Variants in CYP3A5 observed in about 807,000 individuals in gnomAD.
CYP3A5 encodes cytochrome P450 3A5.
A neutral mutation model predicts 55.9 loss-of-function variants in CYP3A5; 51 were observed. The ratio of observed to expected loss-of-function variants is 0.91; its 90% CI spans 0.73 to 1.15. The LOEUF is 1.15. Among genes scored for constraint, CYP3A5 ranks in the 50% most tolerant of loss-of-function variants. CYP3A5 has a pLI of 0.00. For missense variants in CYP3A5, 533 were observed against 596.6 expected, an observed-to-expected ratio of 0.89 and a Z score of 1.11; for synonymous variants, 196 against 213.9, an observed-to-expected ratio of 0.92 and a Z score of 0.73.
intron 1 of CYP3A5, chr7:99,676,498 G>A (rs1233670473): frequency 8.6e-6 from 12 of 1,391,354 alleles, no homozygotes; most frequent in African/African-American, 1.4e-5. Flanking sequence ...AGAGGTTCAG[G>A]CAGGAATTCT....
rs541263120 is a variant in CYP3A5, at chr7:99,679,760, G to A, written c.71+66C>T. 9.8e-5 allele frequency: 146 copies of A among 1,495,274 alleles called. No homozygotes were observed. The African/African-American group carries it at 1.1e-3, about 11-fold the overall frequency. The allele number at this position is 1,495,274 out of a possible 1,614,324, so 92.6% of individuals were successfully genotyped here. A position where few individuals can be genotyped will look rare whatever the true frequency, so the allele number is the denominator to read the frequency against. On this transcript the variant is annotated intron_variant, in intron 1 of 12. Coordinates refer to ENST00000222982, the MANE Select transcript of CYP3A5 (RefSeq NM_000777.5). ...CTTTTGATCTTCAAAACAGATAAGG[G>A]AAAAGGGGCCCGATTAGCACCCCAA...
intron 11 of CYP3A5, among the ~76,000 whole-genome samples, chr7:99,651,980 A>G (rs990926159): frequency 1.5e-4 from 23 of 152,208 alleles, no homozygotes; most frequent in Non-Finnish European, 3.2e-4. Flanking sequence ...CTGCACTCTT[A>G]TAATTACTAC....
chr7:99,669,850 A>T (rs1397155701), intron 4 of CYP3A5, among the ~76,000 whole-genome samples: 1 of 152,216 alleles, frequency 6.6e-6, no homozygotes, highest in Non-Finnish European at 1.5e-5. Flanking sequence ...ATAGCTACAG[A>T]TGCTGCCCTG....
rs1650598392 is a variant in CYP3A5, at chr7:99,679,958, G to C, written c.-62C>G. 1 of 1,472,334 alleles carries C rather than the reference G, an allele frequency of 6.8e-7. No homozygotes were observed. The highest frequency in any genetic ancestry group is 9.5e-7 in the Non-Finnish European group (1 of 1,051,096). The allele number at this position is 1,472,334 out of a possible 1,614,324, so 91.2% of individuals were successfully genotyped here. A position where few individuals can be genotyped will look rare whatever the true frequency, so the allele number is the denominator to read the frequency against. On this transcript the variant is annotated 5_prime_UTR_variant, in exon 1 of 13. Transcript: ENST00000222982. ...TCCTTTTAGCTGAGTGCTGCTGTTT[G>C]CTGGGCTGTTTGCCTGGAGCTTCCC...
Position 99,652,773 on chromosome 7 carries a change from G to A in CYP3A5, c.1033C>T (p.Pro345Ser). ...IDAVLPNKAP[P>S]TYDAVVQMEY... ...ATCTGTACCACGGCATCATAGGTAG[G>A]TGGTGCCTGGAAGGAAAGAAACAGA... Residue 345 changes from proline (P) to serine (S), a missense_variant, in exon 11 of 13, where the codon CCT becomes TCT. By Grantham distance (74) the Pro-to-Ser change is moderately conservative. Transcript: ENST00000222982. The A allele has an allele frequency of 6.2e-7, 1 of 1,612,816 alleles. No individual in the cohort carries two copies. The highest frequency in any genetic ancestry group is 8.5e-7 in the Non-Finnish European group (1 of 1,179,216).
chr7:99,660,500 T>G lies in CYP3A5; in HGVS notation c.1025A>C (p.Lys342Thr), dbSNP rs1810320773. The G allele has an allele frequency of 1.2e-6, 2 of 1,610,092 alleles. No homozygotes were observed. The highest frequency in any genetic ancestry group is 1.3e-5 in the African/African-American group (1 of 74,804). Residue 342 changes from lysine (K) to threonine (T), a missense_variant and splice_region_variant, in exon 10 of 13, where the codon AAG (lysine) becomes ACG (threonine). Coordinates refer to ENST00000222982, the MANE Select transcript of CYP3A5 (RefSeq NM_000777.5). ...QKEIDAVLPN[K>T]APPTYDAVVQ... ...CATCTCCAGGGGTCATCCCCTCACC[T>G]TATTGGGCAAAACTGCATCAATCTC...
At chr7:99,679,083 C>G (rs1049932663) in intron 1 of CYP3A5, among the ~76,000 whole-genome samples, 3 of 152,222 alleles carry the variant, frequency 2.0e-5, no homozygotes, top group Non-Finnish European at 2.9e-5. Context: ...TAATCCTAGC[C>G]TCCCAGAGAC....
Position 99,652,571 on chromosome 7 carries a change from T to TCA in CYP3A5, c.1233_1234dup (p.Glu412ValfsTer16). On this transcript the variant is annotated frameshift_variant, in exon 11 of 13. Coordinates refer to ENST00000222982, the MANE Select transcript of CYP3A5 (RefSeq NM_000777.5). LOFTEE classifies it high-confidence loss of function. ...CTTGTACCTTTCAGGGCGGAACTCCTCAGGCTCTGTCCAGTACTTTGGGTC... is the reference window on the plus strand; with the variant it reads ...CTTGTACCTTTCAGGGCGGAACTCCTCACAGGCTCTGTCCAGTACTTTGGGTC... 1 of 1,611,716 alleles carries TCA rather than the reference T, an allele frequency of 6.2e-7. No homozygotes were observed. Among genetic ancestry groups the TCA allele is most frequent in the African/African-American group, 1.3e-5 (1 of 75,008 alleles).
Position 99,662,788 on chromosome 7 carries a change from G to GAAGCAC in CYP3A5, c.865+27_865+28insGTGCTT. 6.2e-7 allele frequency: 1 copy of GAAGCAC among 1,601,236 alleles called. No individual in the cohort carries two copies. The highest frequency in any genetic ancestry group is 8.6e-7 in the Non-Finnish European group (1 of 1,168,600). On this transcript the variant is annotated intron_variant, in intron 9 of 12. Coordinates refer to ENST00000222982, the MANE Select transcript of CYP3A5 (RefSeq NM_000777.5). This position sits in a 1 kb window ranked among gnomAD's most constrained non-coding sequence, Gnocchi z 4.3. ...GCCCTCCCTCTTAGTGTCCCCGCCA[G>GAAGCAC]TAGCCCTCAGAAGCACTCCTTGGTT...
chr7:99,666,434 G>GC (rs1235382555), intron 6 of CYP3A5, among the ~76,000 whole-genome samples, 167 bp downstream of exon 6: 1 of 152,130 alleles, frequency 6.6e-6, no homozygotes, highest in Non-Finnish European at 1.5e-5. Flanking sequence ...TTGCTGACTT[G>GC]CCGCCTCATG....
chr7:99,676,226 A>G lies in CYP3A5; in HGVS notation c.72-18T>C. On this transcript the variant is annotated intron_variant, in intron 1 of 12. Transcript: ENST00000222982. ...TCCCATATCTACAAAGTGAAACAGA[A>G]ATCAGGTCACAGGGATTGTGACTTT... 1 of 1,613,204 alleles carries G rather than the reference A, an allele frequency of 6.2e-7. No individual in the cohort carries two copies. Among genetic ancestry groups the G allele is most frequent in the South Asian group, 1.1e-5 (1 of 91,074 alleles).
chr7:99,656,207 G>A (rs142951590), intron 10 of CYP3A5, among the ~76,000 whole-genome samples: 1 of 152,254 alleles, frequency 6.6e-6, no homozygotes, highest in African/African-American at 2.4e-5. Flanking sequence ...TATGATATTG[G>A]CTGTGGGTTT....
chr7:99,679,685 T>G, intron 1 of CYP3A5, 141 bp downstream of exon 1: 2 of 725,862 alleles, frequency 2.8e-6, no homozygotes, highest in Non-Finnish European at 4.7e-6. Flanking sequence ...AATAATAACT[T>G]CTATGCGTTT....
intron 1 of CYP3A5, among the ~76,000 whole-genome samples, chr7:99,677,464 A>G (rs1812396145): frequency 6.6e-6 from 1 of 152,246 alleles, no homozygotes; most frequent in Non-Finnish European, 1.5e-5. Flanking sequence ...ATGGTGCAGT[A>G]TGGCATATAA....
At position 99,660,674 on chromosome 7, in the gene CYP3A5, A is replaced by G; in HGVS notation, c.866-15T>C. ...ATCAGACAGAGCTGAAAGGAGAGGA[A>G]AGACATTTTAGGTAAATCAGGTCAA... On this transcript the variant is annotated splice_polypyrimidine_tract_variant and intron_variant, in intron 9 of 12. Coordinates refer to ENST00000222982, the MANE Select transcript of CYP3A5 (RefSeq NM_000777.5). The G allele has an allele frequency of 6.2e-7, 1 of 1,613,196 alleles. No homozygotes were observed. Among genetic ancestry groups the G allele is most frequent in the East Asian group, 2.2e-5 (1 of 44,842 alleles).
intron 4 of CYP3A5, chr7:99,671,143 G>A (rs968850217): frequency 7.7e-6 from 1 of 129,952 alleles, no homozygotes; most frequent in African/African-American, 3.6e-5. Context: ...GTGTGTGTGT[G>A]TGTGTGTGTG....
chr7:99,672,903 C>A, intron 3 of CYP3A5: 1 of 1,349,418 alleles, frequency 7.4e-7, no homozygotes, highest in Non-Finnish European at 9.5e-7. Flanking sequence ...GTGGTCCAAA[C>A]AGGGAAGAGA....
intron 10 of CYP3A5, among the ~76,000 whole-genome samples, chr7:99,657,686 T>TA (rs1236537916): frequency 1.3e-5 from 2 of 152,246 alleles, no homozygotes; most frequent in Non-Finnish European, 2.9e-5. Context: ...AGTGTGGTGT[T>TA]AAAGTCTTCC....
rs1808824983 is a variant in CYP3A5 at position 99,648,364 on chromosome 7, GT to G, written c.1449del (p.Gln483HisfsTer8). 6.2e-7 allele frequency: 1 copy of G among 1,611,782 alleles called. No homozygotes were observed. The highest frequency in any genetic ancestry group is 8.5e-7 in the Non-Finnish European group (1 of 1,178,452). ...PLKLDTQGLLQPEKPIVLKVD... is the reference protein window; with the variant it reads ...PLKLDTQGLLXPEKPIVLKVD... ...ACCTTTAGAACAATGGGTTTTTCTG[GT>G]TGAAGAAGTCCTTGCGTGTCTAATT... is the stretch of plus-strand genomic sequence containing the variant. On this transcript the variant is annotated frameshift_variant, in exon 13 of 13. Transcript: ENST00000222982. LOFTEE classifies it low-confidence loss of function (END_TRUNC).
Sources: allele counts gnomAD v4.1 joint callset (sites outside exome capture counted in the v4.1 genomes callset), GRCh38; gene constraint gnomAD v4.1.1; non-coding constraint Gnocchi (gnomAD v3.1); transcripts MANE v1.5; gene names NCBI Gene and HGNC (gene_info 2026-07-23, HGNC 2026-07-21).